Variants in ATG4A observed in about 807,000 individuals in gnomAD.
ATG4A encodes the protein autophagy related 4A cysteine peptidase, also known as cysteine protease ATG4A.
ATG4A carries 22 observed loss-of-function variants against 38.4 expected under a neutral mutation model. That is an observed-to-expected ratio of 0.57 (90% CI 0.41 to 0.82). The LOEUF is 0.82. Ranked by LOEUF, ATG4A falls within the 40% of genes least tolerant of loss-of-function variation. ATG4A has a pLI of 0.00. For missense variants in ATG4A, 220 were observed against 290.0 expected, an observed-to-expected ratio of 0.76 and a Z score of 1.75; for synonymous variants, 86 against 100.7, an observed-to-expected ratio of 0.85 and a Z score of 0.88.
At chrX:108,137,407 A>G (rs185762195) in intron 7 of ATG4A, among the ~76,000 whole-genome samples, 2 of 112,515 alleles carry the variant, frequency 1.8e-5, no homozygotes, top group East Asian at 5.6e-4. Flanking sequence ...GAAAACACAA[A>G]GTGTGTATAA....
chrX:108,151,582 A>G (rs920232498), intron 10 of ATG4A, among the ~76,000 whole-genome samples: 3 of 112,126 alleles, frequency 2.7e-5, no homozygotes, highest in Non-Finnish European at 5.6e-5. Flanking sequence ...AGGGAAAGGG[A>G]CAGAGAGCAA....
intron 1 of ATG4A, among the ~76,000 whole-genome samples, chrX:108,100,003 G>T (rs1445440948): frequency 1.8e-5 from 2 of 111,589 alleles, no homozygotes; most frequent in African/African-American, 6.5e-5. Flanking sequence ...AGTTAGCTGA[G>T]ATATTGATAG....
intron 1 of ATG4A, among the ~76,000 whole-genome samples, chrX:108,104,370 A>C (rs2147965302): frequency 9.0e-6 from 1 of 110,672 alleles, no homozygotes; most frequent in South Asian, 3.8e-4. Flanking sequence ...TCATGTGGGA[A>C]CGTTTTTATT....
At chrX:108,101,523 G>A (rs1412903416) in intron 1 of ATG4A, among the ~76,000 whole-genome samples, 1 of 109,024 alleles carries the variant, frequency 9.2e-6, no homozygotes, top group African/African-American at 3.3e-5. Context: ...AGCCTTTAGT[G>A]CAATGAATTT....
intron 1 of ATG4A, among the ~76,000 whole-genome samples, chrX:108,123,006 G>A (rs912178377): frequency 1.8e-5 from 2 of 112,215 alleles, no homozygotes; most frequent in African/African-American, 6.5e-5. Context: ...AAGACATTGT[G>A]TGGCTGAGTG....
chrX:108,119,393 CT>C (rs201715742), intron 1 of ATG4A, among the ~76,000 whole-genome samples: 25 of 107,542 alleles, frequency 2.3e-4, no homozygotes, highest in African/African-American at 6.7e-4. Context: ...GGCTTTCTAA[CT>C]TTTTTTTTTA....
Position 108,137,866 on chromosome X carries a change from T to C in ATG4A, c.610T>C (p.Leu204=). The C allele has an allele frequency of 8.3e-7, 1 of 1,200,108 alleles. No individual in the cohort carries two copies. The highest frequency in any genetic ancestry group is 2.3e-5 in the Admixed American group (1 of 43,891). Residue 204 remains leucine (L), a synonymous_variant, in exon 8 of 13, where the codon TTA becomes CTA. Transcript: ENST00000372232. ...AGCTGGTGACAGGCCTCCCGATTCT[T>C]TAACTGCTTCAAACCAGAGTAAGGG... is the stretch of plus-strand genomic sequence containing the variant. ...DTAGDRPPDS[L]TASNQSKGTS...
rs533217462 is a variant in ATG4A, at chrX:108,127,630, T to C, written c.122-1151T>C. 1.2e-4 allele frequency among the ~76,000 whole-genome samples: 13 copies of C among 111,981 alleles called. No individual in the cohort carries two copies. The South Asian group carries it at 4.9e-3, about 42-fold the overall frequency. ...CATTATACATCTGCTTCCCTGAATA[T>C]GCTAGGCACCGGGGCATGGAAGGGA... is the stretch of plus-strand genomic sequence containing the variant. On this transcript the variant is annotated intron_variant, in intron 2 of 12. Transcript: ENST00000372232.
intron 1 of ATG4A, among the ~76,000 whole-genome samples, chrX:108,107,015 C>T (rs2032196246): frequency 9.0e-6 from 1 of 110,819 alleles, no homozygotes; most frequent in Admixed American, 9.6e-5. Flanking sequence ...TGTTGTATAC[C>T]ATAGATATAT....
chrX:108,119,460 CA>C (rs758656698), intron 1 of ATG4A, among the ~76,000 whole-genome samples: 2 of 111,818 alleles, frequency 1.8e-5, no homozygotes, highest in Admixed American at 9.5e-5. Context: ...TTTATACACA[CA>C]AACAAGTTTC....
At chrX:108,092,877 C>T (rs2031676259) in intron 1 of ATG4A, among the ~76,000 whole-genome samples, 1 of 111,456 alleles carries the variant, frequency 9.0e-6, no homozygotes, top group African/African-American at 3.3e-5. Flanking sequence ...AAATTTTTAC[C>T]TATTTAATCT....
Position 108,129,716 on chromosome X carries a change from G to T in ATG4A, c.193+864G>T, listed in dbSNP as rs564407848. Among the ~76,000 whole-genome samples the T allele has an allele frequency of 1.7e-4, 18 of 109,088 alleles. No homozygotes were observed. The South Asian group carries it at 7.2e-3, about 44-fold the overall frequency. 94.7% of individuals were successfully genotyped at this position (109,088 alleles called of 115,157 possible). ...CTCCCGAGTAGCTGGGACTACAGGC[G>T]CCCGCCAACACGCCCGGCTAATTTT... On this transcript the variant is annotated intron_variant, in intron 3 of 12. Transcript: ENST00000372232.
intron 1 of ATG4A, among the ~76,000 whole-genome samples, chrX:108,115,876 A>T (rs1237889930): frequency 8.9e-6 from 1 of 112,474 alleles, no homozygotes; most frequent in Non-Finnish European, 1.9e-5. Flanking sequence ...AAGAGCCACT[A>T]TTAGAGATTA....
chrX:108,129,871 T>A (rs1271462220), intron 3 of ATG4A, among the ~76,000 whole-genome samples: 2 of 84,564 alleles, frequency 2.4e-5, no homozygotes, highest in African/African-American at 4.4e-5. Flanking sequence ...CTCCCGGCCC[T>A]TTTTTTTTTT....
Position 108,127,918 on chromosome X carries a change from A to G in ATG4A, c.122-863A>G, listed in dbSNP as rs186648808. Among the ~76,000 whole-genome samples, 78 of 112,339 alleles carry G rather than the reference A, an allele frequency of 6.9e-4. 1 individual carries two copies. Among genetic ancestry groups the G allele is most frequent in the African/African-American group, 2.2e-3 (68 of 30,989 alleles). ...TTTATGTCATAAAATACAAGAAAGC[A>G]TGCTTTGAAAAAAGACACAAAAACA... On this transcript the variant is annotated intron_variant, in intron 2 of 12. Transcript: ENST00000372232.
intron 1 of ATG4A, among the ~76,000 whole-genome samples, chrX:108,107,871 T>A (rs1292804216): frequency 1.8e-5 from 2 of 111,243 alleles, no homozygotes; most frequent in South Asian, 7.6e-4. Flanking sequence ...AACCATCATA[T>A]GCCGGGGGAC....
chrX:108,105,948 C>T (rs779613386), intron 1 of ATG4A, among the ~76,000 whole-genome samples: 11 of 111,149 alleles, frequency 9.9e-5, no homozygotes, highest in Non-Finnish European at 1.5e-4. Context: ...TTATTCTTGA[C>T]TTTGTGCTTA....
intron 1 of ATG4A, among the ~76,000 whole-genome samples, chrX:108,097,336 G>A (rs2031856511): frequency 8.9e-6 from 1 of 112,108 alleles, no homozygotes. Context: ...ACAAAATGCT[G>A]TCAGAGTTCT....
chrX:108,116,872 T>G (rs775302843), intron 1 of ATG4A, among the ~76,000 whole-genome samples: 1 of 112,252 alleles, frequency 8.9e-6, no homozygotes, highest in African/African-American at 3.2e-5. Context: ...TTTGCTTAAC[T>G]CTCACTCATT....
Sources: allele counts gnomAD v4.1 joint callset (sites outside exome capture counted in the v4.1 genomes callset), GRCh38; gene constraint gnomAD v4.1.1; transcripts MANE v1.5; gene names NCBI Gene and HGNC (gene_info 2026-07-23, HGNC 2026-07-21).